The following ROBO1 variants were observed in gnomAD, a reference collection of about 807,000 sequenced individuals.
ROBO1 encodes the protein roundabout homolog 1.
Under a neutral mutation model 195.9 loss-of-function variants are expected in ROBO1, and 149 were observed. The observed-to-expected ratio is 0.76, with a 90% CI of 0.67 to 0.87. The LOEUF is 0.87. ROBO1 is among the 40% of genes least tolerant of loss of function. The pLI is 0.00. For missense variants in ROBO1, 1,933 were observed against 2,068.3 expected (o/e 0.93, Z 1.27); for synonymous variants, 816 against 733.2 (o/e 1.11, Z -1.82).
chr3:79,616,297 T>C (rs1395919759), intron 1 of ROBO1, among the ~76,000 whole-genome samples: 3 of 152,206 alleles, frequency 2.0e-5, no homozygotes, highest in Non-Finnish European at 4.4e-5. Flanking sequence ...TCCACATCAC[T>C]AGGTGCTCCA....
intron 3 of ROBO1, among the ~76,000 whole-genome samples, chr3:79,085,464 T>C (rs1415157316): frequency 6.6e-6 from 1 of 152,170 alleles, no homozygotes; most frequent in Non-Finnish European, 1.5e-5. Context: ...AGAGACCTGA[T>C]TGAAGATGCA....
intron 2 of ROBO1, among the ~76,000 whole-genome samples, chr3:79,289,163 C>A (rs1295615560): frequency 6.6e-6 from 1 of 151,420 alleles, no homozygotes. Flanking sequence ...TACAAAGATA[C>A]ATTAAAAACA....
intron 3 of ROBO1, among the ~76,000 whole-genome samples, chr3:79,096,080 A>T (rs1204616012): frequency 6.6e-6 from 1 of 152,034 alleles, no homozygotes; most frequent in Non-Finnish European, 1.5e-5. Context: ...CTGTAGTATG[A>T]ATCCTTAAAA....
intron 1 of ROBO1, among the ~76,000 whole-genome samples, chr3:79,609,754 A>T (rs1944597322): frequency 1.3e-5 from 2 of 151,876 alleles, no homozygotes; most frequent in African/African-American, 4.8e-5. Context: ...TGGTCACAAA[A>T]CGACAAATAC....
intron 2 of ROBO1, among the ~76,000 whole-genome samples, chr3:79,586,955 T>A (rs1943848981): frequency 6.6e-6 from 1 of 151,870 alleles, no homozygotes; most frequent in Admixed American, 6.6e-5. Context: ...CATCTACCAG[T>A]GGTTTTCATA....
chr3:79,201,613 G>A (rs1365881674), intron 2 of ROBO1, among the ~76,000 whole-genome samples: 1 of 151,846 alleles, frequency 6.6e-6, no homozygotes, highest in African/African-American at 2.4e-5. Flanking sequence ...TGGGGCTTTG[G>A]AGTTGGCCAG....
At chr3:79,128,546 G>T (rs553451024) in intron 2 of ROBO1, among the ~76,000 whole-genome samples, 1 of 152,234 alleles carries the variant, frequency 6.6e-6, no homozygotes, top group African/African-American at 2.4e-5. Flanking sequence ...GCAAAGCGGG[G>T]ATAAAAAGCT....
intron 1 of ROBO1, among the ~76,000 whole-genome samples, chr3:79,658,510 A>G (rs1026631955): frequency 6.6e-6 from 1 of 152,116 alleles, no homozygotes; most frequent in African/African-American, 2.4e-5. Context: ...GCTTCACTTA[A>G]CATTAATGTG....
intron 8 of ROBO1, among the ~76,000 whole-genome samples, chr3:78,711,990 G>T (rs1410804244): frequency 9.9e-6 from 1 of 100,814 alleles, no homozygotes. Context: ...GAAAACAGCA[G>T]AATTTGGGAT....
In ROBO1 at chr3:79,720,862, G is replaced by T. The variant is rs186576867; in HGVS notation, c.-51+46890C>A. 6.1e-3 allele frequency among the ~76,000 whole-genome samples: 913 copies of T among 150,394 alleles called. 6 individuals carry two copies. The highest frequency in any genetic ancestry group is 0.019 in the African/African-American group (791 of 41,038). ...GGCTGGAGTGCAGTGGTGCGATCTC[G>T]GCTCACTGCAAGCTCCGCCTCCCAG... is the stretch of plus-strand genomic sequence containing the variant. On this transcript the variant is annotated intron_variant, in intron 1 of 30. Coordinates refer to ENST00000464233, the MANE Select transcript of ROBO1 (RefSeq NM_002941.4).
Position 78,635,813 on chromosome 3 carries a change from TG to T in ROBO1, c.3332del (p.Pro1111GlnfsTer12). The T allele has an allele frequency of 6.2e-7, 1 of 1,613,908 alleles. No individual in the cohort carries two copies. The highest frequency in any genetic ancestry group is 8.5e-7 in the Non-Finnish European group (1 of 1,179,820). Reference sequence around the variant, plus strand: ...TTTGCTCCACGATGTTGTACTGAACTGGTGCCACTTCTTGTTTCTGCTGTCC... The same window carrying T: ...TTTGCTCCACGATGTTGTACTGAACTGTGCCACTTCTTGTTTCTGCTGTCC... ...PLGQQKQEVAPVQYNIVEQNK... is the reference protein window; with the variant it reads ...PLGQQKQEVAXVQYNIVEQNK... On this transcript the variant is annotated frameshift_variant, in exon 23 of 31. Transcript: ENST00000464233. LOFTEE classifies it high-confidence loss of function.
At chr3:79,135,262 A>T (rs1326948686) in intron 2 of ROBO1, among the ~76,000 whole-genome samples, 2 of 152,312 alleles carry the variant, frequency 1.3e-5, no homozygotes, top group African/African-American at 4.8e-5. Context: ...ATCACCCCAG[A>T]GGGTATTTGC....
At chr3:78,879,109 A>C (rs1022431832) in intron 4 of ROBO1, among the ~76,000 whole-genome samples, 3 of 152,166 alleles carry the variant, frequency 2.0e-5, no homozygotes, top group African/African-American at 7.2e-5. Context: ...AAACATTTTA[A>C]ACTAAACTAA....
At chr3:79,725,990 G>C (rs894237101) in intron 1 of ROBO1, among the ~76,000 whole-genome samples, 1 of 151,962 alleles carries the variant, frequency 6.6e-6, no homozygotes, top group Non-Finnish European at 1.5e-5. Context: ...AACTTTAAGA[G>C]AATCTCAAGA....
intron 2 of ROBO1, among the ~76,000 whole-genome samples, chr3:79,194,759 C>T (rs1216635161): frequency 4.0e-5 from 6 of 151,462 alleles, no homozygotes; most frequent in Admixed American, 4.0e-4. Context: ...TTATTCTTTA[C>T]AGGTATGTAG....
At chr3:79,472,116 C>T (rs995594454) in intron 2 of ROBO1, among the ~76,000 whole-genome samples, 6 of 151,822 alleles carry the variant, frequency 4.0e-5, no homozygotes, top group African/African-American at 1.5e-4. Flanking sequence ...AAAATTTATC[C>T]AGGAAGAAAC....
At chr3:79,329,945 T>C (rs1261550207) in intron 2 of ROBO1, among the ~76,000 whole-genome samples, 1 of 152,092 alleles carries the variant, frequency 6.6e-6, no homozygotes, top group African/African-American at 2.4e-5. Flanking sequence ...TCTGGACCAG[T>C]AAACTCCAGA....
intron 2 of ROBO1, among the ~76,000 whole-genome samples, chr3:79,588,842 T>G (rs1943909307): frequency 6.6e-6 from 1 of 151,718 alleles, no homozygotes; most frequent in South Asian, 2.1e-4. Context: ...AACAGATATA[T>G]AAATCATTTG....
intron 1 of ROBO1, among the ~76,000 whole-genome samples, chr3:79,609,542 A>C (rs919181317): frequency 6.6e-6 from 1 of 152,106 alleles, no homozygotes; most frequent in South Asian, 2.1e-4. Context: ...CTGAAAAAAT[A>C]TTTGTACATT....
Sources: allele counts gnomAD v4.1 joint callset (sites outside exome capture counted in the v4.1 genomes callset), GRCh38; gene constraint gnomAD v4.1.1; transcripts MANE v1.5; gene names NCBI Gene and HGNC (gene_info 2026-07-23, HGNC 2026-07-21).